The following MBOAT1 variants were observed in gnomAD, a reference collection of about 807,000 sequenced individuals.
The protein encoded by MBOAT1 is membrane-bound glycerophospholipid O-acyltransferase 1.
Under a neutral mutation model 64.4 loss-of-function variants are expected in MBOAT1, and 67 were observed. That is an observed-to-expected ratio of 1.04 (90% CI 0.85 to 1.27). The LOEUF is 1.27. Among genes scored for constraint, MBOAT1 ranks in the 50% most tolerant of loss-of-function variants. The probability of loss-of-function intolerance (pLI) is 0.00; values close to 1 mark genes in which losing one functional copy is unlikely to be tolerated. For synonymous variants in MBOAT1, 229 were observed against 218.9 expected, an observed-to-expected ratio of 1.05 and a Z score of -0.41; for missense variants, 563 against 604.6, an observed-to-expected ratio of 0.93 and a Z score of 0.72.
chr6:20,168,186 T>C (rs190510283), intron 1 of MBOAT1, among the ~76,000 whole-genome samples: 122 of 152,340 alleles, frequency 8.0e-4, no homozygotes, highest in Non-Finnish European at 1.4e-3. Context: ...CTTCATTATT[T>C]ATTTTAAAAT....
chr6:20,135,345 A>C (rs1463688343), intron 4 of MBOAT1, among the ~76,000 whole-genome samples: 2 of 152,212 alleles, frequency 1.3e-5, no homozygotes, highest in African/African-American at 4.8e-5. Context: ...GATATGTTTG[A>C]AGTAAAAAGA....
At chr6:20,168,556 A>AG (rs1473085362) in intron 1 of MBOAT1, among the ~76,000 whole-genome samples, 4,564 of 132,518 alleles carry the variant, frequency 0.034, 202 homozygotes, top group Non-Finnish European at 0.043. Context: ...AGGGAAACAG[A>AG]GAAAGAGAAA....
Position 20,128,849 on chromosome 6 carries a change from T to C in MBOAT1, c.476-96A>G. ...TATCAAAGTCATTTGAACCAGGTAATCTTTGTTTGCTTCATAAATCATAAA... is the reference window on the plus strand; with the variant it reads ...TATCAAAGTCATTTGAACCAGGTAACCTTTGTTTGCTTCATAAATCATAAA... On this transcript the variant is annotated intron_variant, in intron 5 of 12. Transcript: ENST00000324607. The C allele has an allele frequency of 1.8e-5, 15 of 851,082 alleles. No homozygotes were observed. In the South Asian group the frequency reaches 2.7e-4, roughly 15 times the overall value. The allele number at this position is 851,082 out of a possible 1,614,324, so 52.7% of individuals were successfully genotyped here.
At chr6:20,184,174 AAGC>A (rs1762583699) in intron 1 of MBOAT1, among the ~76,000 whole-genome samples, 1 of 152,188 alleles carries the variant, frequency 6.6e-6, no homozygotes, top group Non-Finnish European at 1.5e-5. Flanking sequence ...CAGGAACTCA[AAGC>A]AAGAGGGGCA....
At chr6:20,186,367 G>C (rs529118691) in intron 1 of MBOAT1, among the ~76,000 whole-genome samples, 1 of 152,292 alleles carries the variant, frequency 6.6e-6, no homozygotes, top group Non-Finnish European at 1.5e-5. Flanking sequence ...CTATTGACTG[G>C]GTCCTCTCTC....
intron 4 of MBOAT1, among the ~76,000 whole-genome samples, chr6:20,135,196 T>C (rs843318): frequency 0.037 from 5,646 of 152,234 alleles, 139 homozygotes; most frequent in Middle Eastern, 0.11. Context: ...TATTTTACTA[T>C]TGTCCTATAC....
At chr6:20,173,365 GAA>G (rs567112167) in intron 1 of MBOAT1, among the ~76,000 whole-genome samples, 27 of 140,232 alleles carry the variant, frequency 1.9e-4, no homozygotes, top group Admixed American at 9.9e-4. Flanking sequence ...ATCCATGAAA[GAA>G]AAAAAAAAAC....
chr6:20,182,396 T>A (rs961002893), intron 1 of MBOAT1, among the ~76,000 whole-genome samples: 27 of 152,122 alleles, frequency 1.8e-4, no homozygotes, highest in Non-Finnish European at 4.4e-5. Flanking sequence ...AGGAATTAGG[T>A]TTCAACATAT....
chr6:20,129,696 A>T (rs1760761430), intron 5 of MBOAT1, among the ~76,000 whole-genome samples: 1 of 152,250 alleles, frequency 6.6e-6, no homozygotes, highest in Admixed American at 6.5e-5. Flanking sequence ...AGTGTTTTTA[A>T]AAACTCATTT....
At chr6:20,113,050 A>G (rs1304913335) in intron 10 of MBOAT1, 42 bp from the exon 11 acceptor site, 2 of 1,597,152 alleles carry the variant, frequency 1.3e-6, no homozygotes, top group Admixed American at 3.5e-5. Flanking sequence ...GAAACATACC[A>G]GAAACTTCTA....
intron 12 of MBOAT1, among the ~76,000 whole-genome samples, chr6:20,109,320 G>T (rs1283790850): frequency 1.3e-5 from 2 of 152,108 alleles, no homozygotes; most frequent in Admixed American, 6.5e-5. Context: ...TTTTACTCAG[G>T]GTCCATCCCT....
intron 1 of MBOAT1, among the ~76,000 whole-genome samples, chr6:20,170,711 A>G (rs1372488817): frequency 1.3e-5 from 2 of 152,188 alleles, no homozygotes; most frequent in African/African-American, 4.8e-5. Context: ...GCCCAAGTGC[A>G]AGATAGGTGA....
intron 1 of MBOAT1, among the ~76,000 whole-genome samples, chr6:20,208,591 T>C (rs1763331416): frequency 6.6e-6 from 1 of 152,174 alleles, no homozygotes; most frequent in Non-Finnish European, 1.5e-5. Context: ...CTTACATTAA[T>C]AATCCTAAAC....
chr6:20,168,491 C>CAGAG (rs1054298582), intron 1 of MBOAT1, among the ~76,000 whole-genome samples: 3 of 109,186 alleles, frequency 2.7e-5, no homozygotes, highest in Admixed American at 9.7e-5. Flanking sequence ...GAGACAGAGA[C>CAGAG]AGAGAGAGAG....
intron 1 of MBOAT1, among the ~76,000 whole-genome samples, chr6:20,178,993 A>G (rs1334987408): frequency 1.3e-5 from 2 of 151,816 alleles, no homozygotes; most frequent in East Asian, 1.9e-4. Context: ...GGTTTGTTAC[A>G]TAGGCAAACG....
chr6:20,149,722 T>C (rs919917166), intron 3 of MBOAT1, among the ~76,000 whole-genome samples: 11 of 152,264 alleles, frequency 7.2e-5, no homozygotes, highest in Middle Eastern at 3.4e-3. Flanking sequence ...GACTATAAAA[T>C]GTAAAAGCAG....
chr6:20,156,702 G>T (rs1164819293), intron 1 of MBOAT1, among the ~76,000 whole-genome samples: 2 of 152,178 alleles, frequency 1.3e-5, no homozygotes, highest in Non-Finnish European at 2.9e-5. Flanking sequence ...GAACCCATGT[G>T]CACTCCTAAT....
intron 1 of MBOAT1, among the ~76,000 whole-genome samples, chr6:20,197,452 C>T (rs1421239969): frequency 6.6e-6 from 1 of 152,174 alleles, no homozygotes; most frequent in Non-Finnish European, 1.5e-5. Flanking sequence ...CCTCTGCCCA[C>T]GTGACACAAA....
rs540301245 is a variant in MBOAT1, at chr6:20,152,989, C to G, written c.100-220G>C. ...CTGGGACTACAGGCGCCCGCCACCACGCCCGGCTAATTTTTTTTGTATTTT... is the reference window on the plus strand; with the variant it reads ...CTGGGACTACAGGCGCCCGCCACCAGGCCCGGCTAATTTTTTTTGTATTTT... On this transcript the variant is annotated intron_variant, in intron 1 of 12. Coordinates refer to ENST00000324607, the MANE Select transcript of MBOAT1 (RefSeq NM_001080480.3). Among the ~76,000 whole-genome samples the G allele has an allele frequency of 1.2e-4, 19 of 152,220 alleles. No homozygotes were observed. The South Asian group carries it at 2.7e-3, about 22-fold the overall frequency.
Sources: gnomAD v4.1 joint callset for allele counts (sites outside exome capture counted in the v4.1 genomes callset) on GRCh38, gnomAD v4.1.1 for gene constraint, MANE v1.5 for transcripts, NCBI Gene and HGNC (gene_info 2026-07-23, HGNC 2026-07-21) for gene names.